SORCS3: variants seen among roughly 807,000 people sequenced by gnomAD.
SORCS3 encodes the protein VPS10 domain-containing receptor SorCS3.
In SORCS3, 57 loss-of-function variants were observed where a neutral mutation model predicts 146.3. The ratio of observed to expected loss-of-function variants is 0.39; its 90% CI spans 0.31 to 0.49. The LOEUF is 0.49. SORCS3 is among the 20% of genes least tolerant of loss of function. The pLI is 0.92. For synonymous variants in SORCS3, 653 were observed against 618.5 expected (o/e 1.06, Z -0.83); for missense variants, 1,341 against 1,575.5 (o/e 0.85, Z 2.52).
At chr10:104,962,821 T>A (rs1276183130) in intron 3 of SORCS3, among the ~76,000 whole-genome samples, 1 of 152,202 alleles carries the variant, frequency 6.6e-6, no homozygotes, top group East Asian at 1.9e-4. Context: ...ACTCATAATC[T>A]TGCCACTTAG....
intron 20 of SORCS3, among the ~76,000 whole-genome samples, chr10:105,227,289 G>A (rs984859666): frequency 1.3e-5 from 2 of 151,778 alleles, no homozygotes; most frequent in African/African-American, 4.8e-5. Flanking sequence ...AATTTACTGT[G>A]TAATTTCTTT....
chr10:105,025,504 G>A (rs2055222381), intron 4 of SORCS3, among the ~76,000 whole-genome samples: 1 of 152,126 alleles, frequency 6.6e-6, no homozygotes, highest in African/African-American at 2.4e-5. Flanking sequence ...TTGACTGTGT[G>A]TTTGAGGCCA....
At chr10:105,181,121 C>G (rs1168819390) in intron 14 of SORCS3, among the ~76,000 whole-genome samples, 4 of 152,082 alleles carry the variant, frequency 2.6e-5, no homozygotes, top group Admixed American at 2.0e-4. Flanking sequence ...CATATATTTA[C>G]CAGGCTTGTG....
intron 4 of SORCS3, among the ~76,000 whole-genome samples, chr10:105,016,155 A>ATATATATATATATTTTTTTTTTT (rs71482443): frequency 9.9e-6 from 1 of 101,344 alleles, no homozygotes; most frequent in African/African-American, 4.8e-5. Flanking sequence ...ATATATATAT[A>ATATATATATATATTTTTTTTTTT]TTTTTTTTTT....
chr10:104,848,621 A>C (rs2018234799), intron 2 of SORCS3, among the ~76,000 whole-genome samples: 1 of 152,140 alleles, frequency 6.6e-6, no homozygotes, highest in Non-Finnish European at 1.5e-5. Flanking sequence ...TTTATATGTG[A>C]GGTCCCGAAG....
chr10:104,886,787 GT>G (rs1319117507), intron 2 of SORCS3, among the ~76,000 whole-genome samples: 1 of 152,072 alleles, frequency 6.6e-6, no homozygotes, highest in Admixed American at 6.5e-5. Flanking sequence ...TAAATAAAAT[GT>G]TTTTTCCTTT....
At chr10:104,975,952 A>G (rs1272546725) in intron 3 of SORCS3, among the ~76,000 whole-genome samples, 1 of 152,236 alleles carries the variant, frequency 6.6e-6, no homozygotes, top group African/African-American at 2.4e-5. Context: ...TAAAACCATA[A>G]AAACCCTAGA....
At chr10:104,812,466 T>C (rs187454946) in intron 1 of SORCS3, among the ~76,000 whole-genome samples, 43 of 152,374 alleles carry the variant, frequency 2.8e-4, no homozygotes, top group African/African-American at 9.9e-4. Context: ...CCTCTTCTAC[T>C]CAAATATTAT....
intron 2 of SORCS3, among the ~76,000 whole-genome samples, chr10:104,880,799 G>C (rs926087148): frequency 6.6e-6 from 1 of 152,114 alleles, no homozygotes; most frequent in African/African-American, 2.4e-5. Flanking sequence ...GAGGTAGCAC[G>C]TGTTGATGCG....
At chr10:104,900,534 T>C (rs1322921587) in intron 2 of SORCS3, among the ~76,000 whole-genome samples, 3 of 152,196 alleles carry the variant, frequency 2.0e-5, no homozygotes, top group African/African-American at 7.2e-5. Flanking sequence ...TTAGCAGATA[T>C]GTAGGAGCCT....
At chr10:105,043,877 C>T (rs867955297) in intron 5 of SORCS3, among the ~76,000 whole-genome samples, 1 of 152,076 alleles carries the variant, frequency 6.6e-6, no homozygotes. Flanking sequence ...AATTAGTATT[C>T]CTTTATGCAT....
At chr10:104,961,094 A>G (rs1308823252) in intron 3 of SORCS3, among the ~76,000 whole-genome samples, 1 of 152,050 alleles carries the variant, frequency 6.6e-6, no homozygotes, top group Non-Finnish European at 1.5e-5. Context: ...TTTTTGCTTT[A>G]TCTTTTCATA....
At chr10:105,247,936 C>T (rs1427602544) in intron 22 of SORCS3, among the ~76,000 whole-genome samples, 3 of 152,122 alleles carry the variant, frequency 2.0e-5, no homozygotes, top group Non-Finnish European at 2.9e-5. Context: ...TGAGTTGTTG[C>T]TAATATTATG....
intron 5 of SORCS3, among the ~76,000 whole-genome samples, chr10:105,083,127 G>T (rs1454564445): frequency 6.6e-6 from 1 of 152,136 alleles, no homozygotes; most frequent in African/African-American, 2.4e-5. Context: ...TTGTTTTATA[G>T]TCATTTAATT....
intron 1 of SORCS3, among the ~76,000 whole-genome samples, chr10:104,812,971 G>T (rs1021561665): frequency 3.3e-5 from 5 of 152,130 alleles, no homozygotes; most frequent in African/African-American, 9.7e-5. Context: ...ACTGCAATTT[G>T]CCCCCAGCTC....
At chr10:104,646,165 A>G (rs2015493255) in intron 1 of SORCS3, among the ~76,000 whole-genome samples, 1 of 152,166 alleles carries the variant, frequency 6.6e-6, no homozygotes, top group Non-Finnish European at 1.5e-5. Flanking sequence ...GGCACAGCCT[A>G]TTTATCTGCT....
At chr10:105,026,562 A>C (rs1029280188) in intron 4 of SORCS3, among the ~76,000 whole-genome samples, 9 of 152,360 alleles carry the variant, frequency 5.9e-5, no homozygotes, top group Admixed American at 3.9e-4. Context: ...AATATCACAG[A>C]CATGGAATCA....
chr10:104,738,538 G>T (rs981224734), intron 1 of SORCS3, among the ~76,000 whole-genome samples: 1 of 152,072 alleles, frequency 6.6e-6, no homozygotes, highest in Admixed American at 6.6e-5. Context: ...TTGGCATATC[G>T]TCTTTAGGGG....
intron 3 of SORCS3, among the ~76,000 whole-genome samples, chr10:104,918,261 C>T (rs373093182): frequency 6.5e-4 from 99 of 152,124 alleles, no homozygotes; most frequent in African/African-American, 2.3e-3. Context: ...CATGGAGTCT[C>T]GGTTAGAAAT....
Sources: gnomAD v4.1 joint callset for allele counts (sites outside exome capture counted in the v4.1 genomes callset) on GRCh38, gnomAD v4.1.1 for gene constraint, MANE v1.5 for transcripts, NCBI Gene and HGNC (gene_info 2026-07-23, HGNC 2026-07-21) for gene names.